TRIM5: variants seen among roughly 807,000 people sequenced by gnomAD.
The protein encoded by TRIM5 is tripartite motif-containing protein 5.
Under a neutral mutation model 35.6 loss-of-function variants are expected in TRIM5, and 31 were observed. The observed-to-expected ratio is 0.87, with a 90% CI of 0.65 to 1.18. The LOEUF (loss-of-function observed/expected upper bound fraction) is 1.18, where lower values mean the gene tolerates loss of function less well. TRIM5 is among the 50% of genes most tolerant of loss of function. The probability of loss-of-function intolerance (pLI) is 0.00; values close to 1 mark genes in which losing one functional copy is unlikely to be tolerated. For missense variants in TRIM5, 609 were observed against 591.6 expected (o/e 1.03, Z -0.31); for synonymous variants, 243 against 215.6 (o/e 1.13, Z -1.11).
the TRIM5 span, chr11:5,632,667 G>A: frequency 6.2e-7 from 1 of 1,612,810 alleles, no homozygotes; most frequent in Non-Finnish European, 8.5e-7. Context: ...AGGAGGATAG[G>A]AAAGTCATTT....
the TRIM5 span, among the ~76,000 whole-genome samples, chr11:5,608,185 TA>T: frequency 2.6e-5 from 4 of 152,230 alleles, no homozygotes; most frequent in African/African-American, 7.2e-5. Flanking sequence ...TCAATTGAGT[TA>T]TTTTTTGATG....
At chr11:5,601,336 T>G in the TRIM5 span, among the ~76,000 whole-genome samples, 1 of 152,250 alleles carries the variant, frequency 6.6e-6, no homozygotes, top group Non-Finnish European at 1.5e-5. Context: ...TAAAGTCACT[T>G]AATGTCTCTT....
the TRIM5 span, among the ~76,000 whole-genome samples, chr11:5,653,476 GA>G: frequency 1.3e-5 from 2 of 148,886 alleles, no homozygotes; most frequent in East Asian, 2.0e-4. Context: ...TGTTTTTTCC[GA>G]TTTTTTTTTG....
intron 3 of TRIM5, 47 bp downstream of exon 3, chr11:5,679,027 C>T (rs763905573): frequency 6.6e-7 from 1 of 1,519,298 alleles, no homozygotes; most frequent in Admixed American, 1.7e-5. Flanking sequence ...TTCCCCTGGT[C>T]CTGCCCAGAT....
chr11:5,668,184 G>T (rs955468092), intron 4 of TRIM5, among the ~76,000 whole-genome samples: 4 of 152,138 alleles, frequency 2.6e-5, no homozygotes, highest in African/African-American at 7.2e-5. Context: ...TGAGGTGGGA[G>T]AATTTGAGCC....
the TRIM5 span, among the ~76,000 whole-genome samples, chr11:5,635,449 G>T: frequency 3.3e-5 from 5 of 151,854 alleles, no homozygotes; most frequent in Admixed American, 6.6e-5. Flanking sequence ...GTAAACATGG[G>T]GTTTCACCGT....
the TRIM5 span, among the ~76,000 whole-genome samples, chr11:5,651,864 G>T: frequency 1.3e-5 from 2 of 152,076 alleles, no homozygotes; most frequent in Non-Finnish European, 2.9e-5. Context: ...GTATCTCATT[G>T]TGGTTTTGAT....
the TRIM5 span, chr11:5,612,374 T>G: frequency 6.6e-6 from 1 of 152,146 alleles, no homozygotes; most frequent in Admixed American, 6.6e-5. Flanking sequence ...ACTACAACCT[T>G]TGGCCTTCCT....
chr11:5,673,125 C>T (rs1163393876), intron 4 of TRIM5, among the ~76,000 whole-genome samples: 1 of 151,988 alleles, frequency 6.6e-6, no homozygotes, highest in Non-Finnish European at 1.5e-5. Context: ...AATGAAAAGT[C>T]AGAGACTGTC....
chr11:5,619,631 C>T, the TRIM5 span: 1 of 148,734 alleles, frequency 6.7e-6, no homozygotes, highest in Non-Finnish European at 1.5e-5. Context: ...GGCAATTTGT[C>T]AGAACTACTA....
At chr11:5,680,818 CA>C (rs1852381193) in intron 1 of TRIM5, among the ~76,000 whole-genome samples, 1 of 152,180 alleles carries the variant, frequency 6.6e-6, no homozygotes, top group South Asian at 2.1e-4. Context: ...ACTGTTTCAT[CA>C]AATGTATAAA....
chr11:5,601,082 C>T, the TRIM5 span, among the ~76,000 whole-genome samples: 1 of 152,214 alleles, frequency 6.6e-6, no homozygotes, highest in African/African-American at 2.4e-5. Flanking sequence ...GGCCACCTCT[C>T]CTTACATATG....
intron 4 of TRIM5, among the ~76,000 whole-genome samples, chr11:5,675,003 T>C (rs1472601497): frequency 6.6e-6 from 1 of 151,888 alleles, no homozygotes; most frequent in African/African-American, 2.4e-5. Context: ...AACAATGTAT[T>C]GTATTCTTGA....
At chr11:5,591,362 T>C in the TRIM5 span, among the ~76,000 whole-genome samples, 251 of 152,148 alleles carry the variant, frequency 1.6e-3, no homozygotes, top group African/African-American at 5.8e-3. Flanking sequence ...ACAGAAGAAA[T>C]GGTTAGCCGG....
At chr11:5,604,585 G>A in the TRIM5 span, 1 of 1,613,384 alleles carries the variant, frequency 6.2e-7, no homozygotes, top group Non-Finnish European at 8.5e-7. Context: ...GCAGGAAGCT[G>A]AGAAGCTAAC....
At chr11:5,591,036 C>A in the TRIM5 span, 1 of 164,704 alleles carries the variant, frequency 6.1e-6, no homozygotes, top group Non-Finnish European at 1.3e-5. Flanking sequence ...AAGATAGTAA[C>A]AGTAAAGATG....
chr11:5,669,686 T>C (rs1851430534), intron 4 of TRIM5, among the ~76,000 whole-genome samples: 1 of 152,192 alleles, frequency 6.6e-6, no homozygotes, highest in Non-Finnish European at 1.5e-5. Flanking sequence ...ATTTTGAAAC[T>C]CAAACCTTGT....
chr11:5,610,923 T>C, the TRIM5 span: 3 of 1,614,094 alleles, frequency 1.9e-6, no homozygotes, highest in African/African-American at 2.7e-5. Context: ...CTCCCAGCAC[T>C]TCTCCTCTGG....
chr11:5,638,195 C>G, the TRIM5 span, among the ~76,000 whole-genome samples: 1 of 152,140 alleles, frequency 6.6e-6, no homozygotes, highest in Non-Finnish European at 1.5e-5. Flanking sequence ...GGGAAGTTCT[C>G]CTTTTTAGCA....
Sources: allele counts gnomAD v4.1 joint callset (sites outside exome capture counted in the v4.1 genomes callset), GRCh38; gene constraint gnomAD v4.1.1; transcripts MANE v1.5; gene names NCBI Gene and HGNC (gene_info 2026-07-23, HGNC 2026-07-21).